Variants in NRXN1 observed in about 807,000 individuals in gnomAD.
NRXN1 encodes neurexin-1.
In NRXN1, 39 loss-of-function variants were observed where a neutral mutation model predicts 150.9. That is an observed-to-expected ratio of 0.26 (90% CI 0.20 to 0.34). The LOEUF (loss-of-function observed/expected upper bound fraction) is 0.34. Among genes scored for constraint, NRXN1 ranks in the 10% least tolerant of loss-of-function variants. The probability of loss-of-function intolerance (pLI) is 1.00; values close to 1 mark genes in which losing one functional copy is unlikely to be tolerated. For missense variants in NRXN1, 1,815 were observed against 1,949.9 expected (o/e 0.93, Z 1.30); for synonymous variants, 924 against 757.0 (o/e 1.22, Z -3.62).
chr2:51,018,055 G>A (rs1179084056), intron 2 of NRXN1, among the ~76,000 whole-genome samples: 1 of 152,092 alleles, frequency 6.6e-6, no homozygotes, highest in Non-Finnish European at 1.5e-5. Flanking sequence ...CAATGTCTGA[G>A]TAACACTTAA....
chr2:50,671,747 A>C (rs1347049130), intron 5 of NRXN1, among the ~76,000 whole-genome samples: 1 of 151,834 alleles, frequency 6.6e-6, no homozygotes, highest in African/African-American at 2.4e-5. Flanking sequence ...AGTAAATTTT[A>C]ACCATCAATA....
At chr2:49,991,951 G>A (rs1229880550) in intron 21 of NRXN1, among the ~76,000 whole-genome samples, 4 of 152,188 alleles carry the variant, frequency 2.6e-5, no homozygotes, top group East Asian at 3.9e-4. Flanking sequence ...ATAATCAACT[G>A]ATCTTTGATA....
chr2:50,209,712 T>C (rs13026006), intron 18 of NRXN1, among the ~76,000 whole-genome samples: 55,641 of 151,902 alleles, frequency 0.37, 10,847 homozygotes, highest in Non-Finnish European at 0.43. Context: ...AATAAAAACA[T>C]GGAAAACATT....
intron 17 of NRXN1, among the ~76,000 whole-genome samples, chr2:50,362,989 G>T (rs994329223): frequency 3.9e-5 from 6 of 152,136 alleles, no homozygotes; most frequent in Non-Finnish European, 7.3e-5. Flanking sequence ...AAGCAATGGG[G>T]AAAGGATCCC....
At chr2:50,020,923 G>A (rs1687471179) in intron 21 of NRXN1, among the ~76,000 whole-genome samples, 1 of 152,120 alleles carries the variant, frequency 6.6e-6, no homozygotes, top group African/African-American at 2.4e-5. Flanking sequence ...TCTAGAAAAA[G>A]AAACATGCAT....
chr2:50,537,660 C>T (rs765648738), intron 10 of NRXN1, among the ~76,000 whole-genome samples: 7 of 152,144 alleles, frequency 4.6e-5, no homozygotes, highest in Non-Finnish European at 1.0e-4. Context: ...TTGGTTAGGT[C>T]CTAGCCAAAG....
At chr2:50,668,580 G>A (rs2104705535) in intron 5 of NRXN1, among the ~76,000 whole-genome samples, 1 of 152,122 alleles carries the variant, frequency 6.6e-6, no homozygotes, top group Non-Finnish European at 1.5e-5. Context: ...GGACAGTTGT[G>A]CTGTGATATC....
intron 2 of NRXN1, among the ~76,000 whole-genome samples, chr2:51,018,692 G>C (rs1336619350): frequency 2.0e-5 from 3 of 152,040 alleles, no homozygotes; most frequent in Non-Finnish European, 2.9e-5. Context: ...GACTGAGCTA[G>C]TTCTTTATAT....
At chr2:50,428,691 A>G (rs1054271808) in intron 17 of NRXN1, among the ~76,000 whole-genome samples, 9 of 152,210 alleles carry the variant, frequency 5.9e-5, no homozygotes, top group African/African-American at 2.2e-4. Flanking sequence ...TCTCTGAATA[A>G]CATTTATTAG....
intron 5 of NRXN1, among the ~76,000 whole-genome samples, chr2:50,810,175 C>T (rs181067817): frequency 1.2e-3 from 190 of 152,218 alleles, no homozygotes; most frequent in Non-Finnish European, 2.3e-3. Flanking sequence ...GTACAAAGAA[C>T]ATGAGGTCCA....
intron 5 of NRXN1, among the ~76,000 whole-genome samples, chr2:50,750,855 GCTT>G (rs1700517187): frequency 6.6e-6 from 1 of 152,002 alleles, no homozygotes; most frequent in Non-Finnish European, 1.5e-5. Flanking sequence ...TAATAACTAT[GCTT>G]ATTATAAGAA....
At chr2:50,115,972 C>T (rs931182180) in intron 18 of NRXN1, among the ~76,000 whole-genome samples, 15 of 152,212 alleles carry the variant, frequency 9.9e-5, no homozygotes, top group African/African-American at 3.4e-4. Flanking sequence ...CTTTTTAATA[C>T]TAGTAGTCAT....
At chr2:50,390,537 G>C (rs568029960) in intron 17 of NRXN1, among the ~76,000 whole-genome samples, 1 of 152,198 alleles carries the variant, frequency 6.6e-6, no homozygotes, top group East Asian at 1.9e-4. Flanking sequence ...AGGAGACCTT[G>C]GTAAGTGTTA....
At chr2:50,949,840 G>C (rs947398864) in intron 2 of NRXN1, among the ~76,000 whole-genome samples, 1 of 152,096 alleles carries the variant, frequency 6.6e-6, no homozygotes, top group African/African-American at 2.4e-5. Context: ...ACAGATGAGT[G>C]GTTCCAGAGC....
chr2:50,250,999 A>G, intron 17 of NRXN1, among the ~76,000 whole-genome samples: 1 of 116,610 alleles, frequency 8.6e-6, no homozygotes, highest in Admixed American at 8.6e-5. Context: ...TTTATTACAC[A>G]TTGCATATGT....
chr2:50,138,566 A>C (rs1706756071), intron 18 of NRXN1, among the ~76,000 whole-genome samples: 1 of 152,244 alleles, frequency 6.6e-6, no homozygotes. Context: ...ATTCAAATGT[A>C]AATTATCATG....
intron 5 of NRXN1, among the ~76,000 whole-genome samples, chr2:50,762,689 G>A (rs911444350): frequency 6.6e-6 from 1 of 151,872 alleles, no homozygotes; most frequent in Non-Finnish European, 1.5e-5. Flanking sequence ...TTTCATGGCT[G>A]TGTAGTAATC....
chr2:50,985,205 T>C (rs1697500559), intron 2 of NRXN1, among the ~76,000 whole-genome samples: 1 of 151,898 alleles, frequency 6.6e-6, no homozygotes, highest in Non-Finnish European at 1.5e-5. Flanking sequence ...GGTAGTATAA[T>C]AGTAAATATC....
intron 19 of NRXN1, among the ~76,000 whole-genome samples, chr2:50,076,912 T>G (rs966214580): frequency 6.6e-6 from 1 of 152,196 alleles, no homozygotes. Context: ...CTGAGCATCA[T>G]CTGACCTGGT....
Sources: gnomAD v4.1 joint callset for allele counts (sites outside exome capture counted in the v4.1 genomes callset) on GRCh38, gnomAD v4.1.1 for gene constraint, MANE v1.5 for transcripts, NCBI Gene and HGNC (gene_info 2026-07-23, HGNC 2026-07-21) for gene names.